NTNG2: variants seen among roughly 807,000 people sequenced by gnomAD.
NTNG2 encodes netrin G2.
A neutral mutation model predicts 47.6 loss-of-function variants in NTNG2; 15 were observed. The ratio of observed to expected loss-of-function variants is 0.32; its 90% CI spans 0.21 to 0.49. NTNG2 has a LOEUF of 0.49. Ranked by LOEUF, NTNG2 falls within the 20% of genes least tolerant of loss-of-function variation. NTNG2 has a pLI of 0.99. For synonymous variants in NTNG2, 307 were observed against 324.6 expected (o/e 0.95, Z 0.58); for missense variants, 578 against 764.6 (o/e 0.76, Z 2.88).
intron 3 of NTNG2, among the ~76,000 whole-genome samples, chr9:132,214,323 C>T (rs921762355): frequency 1.3e-5 from 2 of 152,208 alleles, no homozygotes; most frequent in African/African-American, 2.4e-5. Context: ...ATGGTGCCCC[C>T]GCAGCAGCTC....
chr9:132,216,381 CCTCTCTCTCT>C lies in NTNG2; in HGVS notation c.858-10443_858-10434del, dbSNP rs1199246893. Among the ~76,000 whole-genome samples the C allele has an allele frequency of 1.6e-3, 192 of 120,938 alleles. 2 individuals carry two copies. Among genetic ancestry groups the C allele is most frequent in the Non-Finnish European group, 2.3e-3 (143 of 61,766 alleles). The allele number at this position is 120,938 out of a possible 152,430, so 79.3% of individuals were successfully genotyped here. The stretch of plus-strand genomic sequence containing the variant: ...GGTAAGAATCTGGCTGCTGACTCAG[CCTCTCTCTCT>C]CTCTCTCTCTCTCTCTCTCTCTCTG... On this transcript the variant is annotated intron_variant, in intron 3 of 7. Transcript: ENST00000393229.
chr9:132,166,087 A>G (rs1156293252), intron 1 of NTNG2: 1 of 152,342 alleles, frequency 6.6e-6, no homozygotes, highest in Non-Finnish European at 1.5e-5. Context: ...AAACTTCATA[A>G]TAAGTTGCCG....
chr9:132,186,491 G>C (rs1454949815), intron 2 of NTNG2, among the ~76,000 whole-genome samples: 2 of 152,252 alleles, frequency 1.3e-5, no homozygotes, highest in African/African-American at 4.8e-5. Flanking sequence ...TGGTTCGGCT[G>C]ACGGAGGAGA....
upstream of NTNG2, chr9:132,161,859 G>T (rs909450371): frequency 6.6e-6 from 1 of 150,448 alleles, no homozygotes; most frequent in Non-Finnish European, 1.5e-5. This position sits in a 1 kb window ranked among gnomAD's most constrained non-coding sequence, Gnocchi z 7.2. Flanking sequence ...AGCCCACCCG[G>T]GCCGGGGGCT....
At chr9:132,216,496 G>A (rs1840007415) in intron 3 of NTNG2, among the ~76,000 whole-genome samples, 1 of 149,342 alleles carries the variant, frequency 6.7e-6, no homozygotes, top group Non-Finnish European at 1.5e-5. Flanking sequence ...GCTGCCGTCT[G>A]AAGAGCTAAA....
intron 2 of NTNG2, among the ~76,000 whole-genome samples, chr9:132,174,535 T>C (rs963356525): frequency 2.6e-5 from 4 of 152,170 alleles, no homozygotes; most frequent in South Asian, 2.1e-4. Flanking sequence ...AAACTGGGCA[T>C]GGCGCTGGAC....
chr9:132,235,183 G>A (rs1841527781), intron 5 of NTNG2, among the ~76,000 whole-genome samples: 1 of 152,210 alleles, frequency 6.6e-6, no homozygotes, highest in Non-Finnish European at 1.5e-5. Flanking sequence ...TCCCTGGATT[G>A]CGGCTGGACA....
At chr9:132,184,910 G>A (rs919349672) in intron 2 of NTNG2, among the ~76,000 whole-genome samples, 6 of 152,244 alleles carry the variant, frequency 3.9e-5, no homozygotes, top group Admixed American at 6.5e-5. Flanking sequence ...CAACAAGAGC[G>A]AAACTCTGTC....
chr9:132,204,175 A>G (rs1373040077), intron 3 of NTNG2, among the ~76,000 whole-genome samples: 2 of 152,160 alleles, frequency 1.3e-5, no homozygotes, highest in Non-Finnish European at 2.9e-5. Context: ...CGTGAGTTCC[A>G]AGAGGCTGAG....
intron 2 of NTNG2, among the ~76,000 whole-genome samples, chr9:132,193,986 G>A (rs1475646602): frequency 6.6e-6 from 1 of 152,066 alleles, no homozygotes; most frequent in African/African-American, 2.4e-5. Context: ...CTTCTTCCAA[G>A]GCCACCAGTC....
chr9:132,191,641 G>A (rs61611073), intron 2 of NTNG2, among the ~76,000 whole-genome samples: 21 of 151,974 alleles, frequency 1.4e-4, no homozygotes, highest in African/African-American at 4.3e-4. Flanking sequence ...GCGCGATCTC[G>A]GCTCACTGCA....
At chr9:132,227,138 T>A in intron 4 of NTNG2, 117 bp downstream of exon 4, 1 of 1,101,552 alleles carries the variant, frequency 9.1e-7, no homozygotes, top group Non-Finnish European at 1.3e-6. Context: ...CACATACGTG[T>A]GCACATGCAT....
Position 132,242,147 on chromosome 9 carries a change from C to T in NTNG2, c.*36C>T. The T allele has an allele frequency of 9.8e-7, 1 of 1,020,254 alleles. No homozygotes were observed. Among genetic ancestry groups the T allele is most frequent in the Non-Finnish European group, 1.2e-6 (1 of 835,560 alleles). 63.2% of individuals were successfully genotyped at this position (1,020,254 alleles called of 1,614,324 possible). On this transcript the variant is annotated 3_prime_UTR_variant, in exon 8 of 8. Coordinates refer to ENST00000393229, the MANE Select transcript of NTNG2 (RefSeq NM_032536.4). This position sits in a 1 kb window ranked among gnomAD's most constrained non-coding sequence, Gnocchi z 5.9. ...GAGGACGCTCCCCGCACCCGGAGGCCGGGGGTCCCGGGGTCCCGGGGCGGG... is the reference window on the plus strand; with the variant it reads ...GAGGACGCTCCCCGCACCCGGAGGCTGGGGGTCCCGGGGTCCCGGGGCGGG...
intron 4 of NTNG2, among the ~76,000 whole-genome samples, chr9:132,227,625 C>A (rs564451023): frequency 6.6e-6 from 1 of 152,306 alleles, no homozygotes; most frequent in South Asian, 2.1e-4. Context: ...TCCGTTATCC[C>A]TTTTTACAGA....
rs534349932 is a variant in NTNG2 at position 132,243,058 on chromosome 9, C to G, written c.*947C>G. The G allele has an allele frequency of 1.4e-5, 2 of 143,096 alleles. No homozygotes were observed. The highest frequency in any genetic ancestry group is 4.4e-4 in the East Asian group (2 of 4,574). 8.9% of individuals were successfully genotyped at this position (143,096 alleles called of 1,614,324 possible). On this transcript the variant is annotated 3_prime_UTR_variant, in exon 8 of 8. Coordinates refer to ENST00000393229, the MANE Select transcript of NTNG2 (RefSeq NM_032536.4). ...GTGCCCCACCTGTTAGGAGCCTCCC[C>G]ACACTGAAAGGCTGCCTCCCTCCTT... is the stretch of plus-strand genomic sequence containing the variant.
Position 132,198,473 on chromosome 9 carries a change from A to G in NTNG2, c.721A>G (p.Lys241Glu). 1.2e-6 allele frequency: 2 copies of G among 1,610,416 alleles called. No individual in the cohort carries two copies. The highest frequency in any genetic ancestry group is 8.5e-7 in the Non-Finnish European group (1 of 1,177,954). ...DNLYTRLESA[K>E]GLKEFFTLTD... ...CCTCTACACGCGGCTGGAGAGCGCC[A>G]AGGGCCTCAAGGAGTTCTTCACCCT... The change falls in exon 3 of 8, where the codon AAG (lysine) becomes GAG (glutamate). Residue 241 changes from lysine to glutamate, a missense_variant. Transcript: ENST00000393229.
Position 132,204,811 on chromosome 9 carries a change from C to T in NTNG2, c.857+6202C>T, listed in dbSNP as rs572394151. Among the ~76,000 whole-genome samples, 55 of 152,200 alleles carry T rather than the reference C, an allele frequency of 3.6e-4. 1 individual carries two copies. Among genetic ancestry groups the T allele is most frequent in the African/African-American group, 1.2e-3 (49 of 41,514 alleles). ...GATGGAAGGGCTGGGTGTGGTGGCTCGTGCCTGTAATCCTAGCACTTTGGG... is the reference window on the plus strand; with the variant it reads ...GATGGAAGGGCTGGGTGTGGTGGCTTGTGCCTGTAATCCTAGCACTTTGGG... On this transcript the variant is annotated intron_variant, in intron 3 of 7. Coordinates refer to ENST00000393229, the MANE Select transcript of NTNG2 (RefSeq NM_032536.4).
chr9:132,179,372 C>G (rs1270542391), intron 2 of NTNG2, among the ~76,000 whole-genome samples: 3 of 152,168 alleles, frequency 2.0e-5, no homozygotes, highest in African/African-American at 7.2e-5. Context: ...GGCTCAGAGC[C>G]AGATCTTGGG....
chr9:132,210,133 T>G (rs1308107532), intron 3 of NTNG2, among the ~76,000 whole-genome samples: 1 of 152,146 alleles, frequency 6.6e-6, no homozygotes, highest in Non-Finnish European at 1.5e-5. Context: ...CCCTTTGTCC[T>G]GAGTAAAGAG....
Sources: gnomAD v4.1 joint callset for allele counts (sites outside exome capture counted in the v4.1 genomes callset) on GRCh38, gnomAD v4.1.1 for gene constraint, Gnocchi (gnomAD v3.1) non-coding constraint, MANE v1.5 for transcripts, NCBI Gene and HGNC (gene_info 2026-07-23, HGNC 2026-07-21) for gene names.